The following LRRC36 variants were observed in gnomAD, a reference collection of about 807,000 sequenced individuals.
LRRC36 encodes leucine rich repeat containing 36, also known as leucine-rich repeat-containing protein 36.
A neutral mutation model predicts 81.1 loss-of-function variants in LRRC36; 62 were observed. That is an observed-to-expected ratio of 0.76 (90% CI 0.62 to 0.94). LRRC36 has a LOEUF of 0.94. Ranked by LOEUF, LRRC36 falls within the 40% of genes least tolerant of loss-of-function variation. LRRC36 has a pLI of 0.00. For missense variants in LRRC36, 761 were observed against 881.7 expected (o/e 0.86, Z 1.73); for synonymous variants, 334 against 348.6 (o/e 0.96, Z 0.47).
Position 67,340,039 on chromosome 16 carries a change from G to A in LRRC36, c.71-1918G>A, listed in dbSNP as rs150695334. ...ACACCTTAATCCCACCTACTTGGGA[G>A]GCTGAGGCAGGAGAATCACTTGAAC... On this transcript the variant is annotated intron_variant, in intron 1 of 13. Transcript: ENST00000329956. Among the ~76,000 whole-genome samples the A allele has an allele frequency of 2.7e-3, 407 of 152,248 alleles. 1 individual carries two copies. The highest frequency in any genetic ancestry group is 4.9e-3 in the Non-Finnish European group (330 of 68,018).
At chr16:67,331,284 C>A (rs2037479568) in intron 1 of LRRC36, among the ~76,000 whole-genome samples, 1 of 152,156 alleles carries the variant, frequency 6.6e-6, no homozygotes, top group Non-Finnish European at 1.5e-5. Context: ...GGCTTACACA[C>A]TTTGGAAGGC....
intron 9 of LRRC36, chr16:67,371,872 T>A (rs1056423422): frequency 6.5e-6 from 1 of 153,518 alleles, no homozygotes; most frequent in Non-Finnish European, 1.4e-5. Context: ...TGACTCAGTT[T>A]CGTAAAAAAT....
chr16:67,367,568 T>C, intron 8 of LRRC36, 111 bp downstream of exon 8: 2 of 987,670 alleles, frequency 2.0e-6, no homozygotes, highest in Non-Finnish European at 1.5e-6. Context: ...TTTCTTAAGT[T>C]GTATTTTAGG....
intron 1 of LRRC36, 183 bp downstream of exon 1, chr16:67,327,115 A>G (rs1335577119): frequency 1.7e-5 from 9 of 526,660 alleles, no homozygotes; most frequent in Non-Finnish European, 2.9e-5. Context: ...AGGTGGAGGA[A>G]CTGAAGTAAC....
intron 5 of LRRC36, among the ~76,000 whole-genome samples, chr16:67,357,807 T>C (rs1409602284): frequency 6.6e-6 from 1 of 152,222 alleles, no homozygotes; most frequent in Non-Finnish European, 1.5e-5. Context: ...AGGGTGTTTG[T>C]ACAAACATGT....
rs1413695210 is a variant in LRRC36 at position 67,375,388 on chromosome 16, C to T, written c.1636C>T (p.Leu546Phe). ...TAAGCACTGGAATGGCTCCGGCTCC[C>T]TCCTCCTCAACAAGAAGTTTCTCGG... ...VDKHWNGSGS[L>F]LLNKKFLGPA... Residue 546 changes from leucine to phenylalanine, a missense_variant, in exon 10 of 14, where the codon CTC becomes TTC. Coordinates refer to ENST00000329956, the MANE Select transcript of LRRC36 (RefSeq NM_018296.6). The T allele has an allele frequency of 3.8e-6, 6 of 1,586,530 alleles. No individual in the cohort carries two copies. The highest frequency in any genetic ancestry group is 4.3e-6 in the Non-Finnish European group (5 of 1,172,466).
intron 11 of LRRC36, among the ~76,000 whole-genome samples, chr16:67,377,267 C>A (rs1010223491): frequency 2.0e-5 from 3 of 152,166 alleles, no homozygotes; most frequent in African/African-American, 7.2e-5. Context: ...AGAGCATCAG[C>A]CTGCTGGCTC....
intron 1 of LRRC36, among the ~76,000 whole-genome samples, chr16:67,336,021 C>T (rs762349836): frequency 3.9e-5 from 6 of 152,216 alleles, no homozygotes; most frequent in African/African-American, 1.4e-4. Context: ...CGTGAGCCAC[C>T]GCACCCGGCC....
chr16:67,380,186 C>A (rs992822976), intron 12 of LRRC36, among the ~76,000 whole-genome samples: 2 of 152,046 alleles, frequency 1.3e-5, no homozygotes, highest in Non-Finnish European at 2.9e-5. Context: ...GTACAGAAAT[C>A]TTTGTGTACA....
At position 67,330,209 on chromosome 16, in the gene LRRC36, G is replaced by T. The variant is rs181722017; in HGVS notation, c.70+3277G>T. Among the ~76,000 whole-genome samples the T allele has an allele frequency of 5.6e-4, 85 of 152,048 alleles. No individual in the cohort carries two copies. In the East Asian group the frequency reaches 0.014, roughly 24 times the overall value. On this transcript the variant is annotated intron_variant, in intron 1 of 13. Transcript: ENST00000329956. The stretch of plus-strand genomic sequence containing the variant: ...TTTTTTTCACAAGACGATTTCATAG[G>T]TAATGGTGTATGTTTATGTTAGGAA...
chr16:67,378,934 T>C (rs2040013438), intron 12 of LRRC36, among the ~76,000 whole-genome samples: 1 of 152,220 alleles, frequency 6.6e-6, no homozygotes, highest in Non-Finnish European at 1.5e-5. Context: ...GGAAAGCATG[T>C]ACAAATGTTG....
chr16:67,329,252 C>T (rs975585798), intron 1 of LRRC36, among the ~76,000 whole-genome samples: 1 of 152,096 alleles, frequency 6.6e-6, no homozygotes, highest in African/African-American at 2.4e-5. Flanking sequence ...AAAAAAGTCA[C>T]ATATGCAACC....
At chr16:67,335,559 C>T (rs568736646) in intron 1 of LRRC36, among the ~76,000 whole-genome samples, 9 of 152,164 alleles carry the variant, frequency 5.9e-5, no homozygotes, top group African/African-American at 1.7e-4. Context: ...CCTCAGTTTA[C>T]GAAGATGACG....
Position 67,349,569 on chromosome 16 carries a change from T to C in LRRC36, c.489-633T>C, listed in dbSNP as rs545212294. 2.0e-5 allele frequency among the ~76,000 whole-genome samples: 3 copies of C among 152,280 alleles called. No homozygotes were observed. The East Asian group carries it at 5.8e-4, about 29-fold the overall frequency. ...CTTTCTGTGTCCTAACTATGAGTGTTTTAATTCAAAAGAAACTGTCCTACC... is the reference window on the plus strand; with the variant it reads ...CTTTCTGTGTCCTAACTATGAGTGTCTTAATTCAAAAGAAACTGTCCTACC... On this transcript the variant is annotated intron_variant, in intron 4 of 13. Transcript: ENST00000329956.
At chr16:67,332,276 A>G (rs769739206) in intron 1 of LRRC36, among the ~76,000 whole-genome samples, 14 of 151,998 alleles carry the variant, frequency 9.2e-5, no homozygotes, top group Admixed American at 2.0e-4. Flanking sequence ...TGAAACGGCC[A>G]GGCGCGGTGG....
intron 9 of LRRC36, among the ~76,000 whole-genome samples, 159 bp from the exon 10 acceptor site, chr16:67,375,088 C>T (rs776136057): frequency 4.0e-5 from 6 of 151,454 alleles, no homozygotes; most frequent in South Asian, 2.1e-4. Flanking sequence ...GATCGCACCA[C>T]TGCACTCCAG....
rs556058087 is a variant in LRRC36 at position 67,376,807 on chromosome 16, A to G, written c.1741A>G (p.Met581Val). 83 of 1,613,988 alleles carry G rather than the reference A, an allele frequency of 5.1e-5. No homozygotes were observed. The highest frequency in any genetic ancestry group is 1.8e-4 in the Admixed American group (11 of 60,010). ...GTGTTGCTCACATCCTGAAGACACG[A>G]TGAAAGCATTCTGCAGGAGGGAGCT... ...PRCCSHPEDTMKAFCRRELEL... is the reference protein window; with the variant it reads ...PRCCSHPEDTVKAFCRRELEL... The change falls in exon 11 of 14, where the codon ATG becomes GTG. Residue 581 changes from methionine (M) to valine (V), a missense_variant. Met to Val is a conservative substitution (Grantham distance 21, BLOSUM62 1). Around this residue, in one of 3 missense-constraint regions of LRRC36, gnomAD observed 359 missense variants for 388.4 expected, o/e 0.92. Coordinates refer to ENST00000329956, the MANE Select transcript of LRRC36 (RefSeq NM_018296.6).
intron 12 of LRRC36, among the ~76,000 whole-genome samples, chr16:67,378,989 T>G (rs747327470): frequency 3.3e-5 from 5 of 152,248 alleles, no homozygotes; most frequent in Non-Finnish European, 5.9e-5. Context: ...CTTTTGTGAT[T>G]ATAACACCAA....
chr16:67,328,250 C>T (rs1296945895), intron 1 of LRRC36, among the ~76,000 whole-genome samples: 3 of 152,102 alleles, frequency 2.0e-5, no homozygotes, highest in Admixed American at 6.5e-5. Context: ...CGGTGGCTCA[C>T]GACTGTAATC....
Sources: gnomAD v4.1 joint callset for allele counts (sites outside exome capture counted in the v4.1 genomes callset) on GRCh38, gnomAD v4.1.1 for gene constraint, gnomAD v4.1.1 regional missense constraint, MANE v1.5 for transcripts, NCBI Gene and HGNC (gene_info 2026-07-23, HGNC 2026-07-21) for gene names.